The following RAB40C variants were observed in gnomAD, a reference collection of about 807,000 sequenced individuals.
RAB40C encodes ras-related protein Rab-40C.
Under a neutral mutation model 28.1 loss-of-function variants are expected in RAB40C, and 8 were observed. That is an observed-to-expected ratio of 0.28 (90% CI 0.17 to 0.51). The LOEUF (loss-of-function observed/expected upper bound fraction) is 0.51. Ranked by LOEUF, RAB40C falls within the 20% of genes least tolerant of loss-of-function variation. RAB40C has a pLI of 0.97. For missense variants in RAB40C, 288 were observed against 405.9 expected (o/e 0.71, Z 2.50); for synonymous variants, 201 against 171.7 (o/e 1.17, Z -1.34).
intron 1 of RAB40C, among the ~76,000 whole-genome samples, chr16:590,703 C>T (rs974910028): frequency 3.3e-5 from 5 of 152,160 alleles, no homozygotes; most frequent in Admixed American, 2.0e-4. Context: ...TGTCACGGGT[C>T]CGGGATCTCA....
chr16:620,356 G>A (rs2036685375), intron 3 of RAB40C, among the ~76,000 whole-genome samples: 1 of 147,798 alleles, frequency 6.8e-6, no homozygotes, highest in South Asian at 2.1e-4. Flanking sequence ...TTGTGCCATT[G>A]CACGCCAACC....
intron 1 of RAB40C, among the ~76,000 whole-genome samples, chr16:607,618 C>T (rs918310956): frequency 2.6e-5 from 4 of 151,614 alleles, no homozygotes; most frequent in Non-Finnish European, 4.4e-5. Flanking sequence ...GGTGAAACCC[C>T]GTCTCTACCA....
chr16:590,998 G>C (rs1290512860), intron 1 of RAB40C, among the ~76,000 whole-genome samples: 1 of 151,532 alleles, frequency 6.6e-6, no homozygotes, highest in African/African-American at 2.4e-5. Context: ...GGCGTCATGG[G>C]CCAAAAGGAA....
chr16:623,985 C>T (rs1484783115), intron 3 of RAB40C: 2 of 985,312 alleles, frequency 2.0e-6, no homozygotes, highest in East Asian at 2.3e-4. Context: ...GTTCTTACCT[C>T]ACCTGGGTTG....
Position 627,339 on chromosome 16 carries a change from C to T in RAB40C, c.566-3C>T. The T allele has an allele frequency of 6.2e-7, 1 of 1,611,358 alleles. No individual in the cohort carries two copies. Among genetic ancestry groups the T allele is most frequent in the Non-Finnish European group, 8.5e-7 (1 of 1,178,762 alleles). On this transcript the variant is annotated splice_polypyrimidine_tract_variant and splice_region_variant and intron_variant, in intron 5 of 5. Coordinates refer to ENST00000248139, the MANE Select transcript of RAB40C (RefSeq NM_021168.5). Reference sequence around the variant, plus strand: ...ATGGTCTGACACCCCCTCTGCCCCACAGTGTTCAGCCTGCAGGACCTCTGC... The same window carrying T: ...ATGGTCTGACACCCCCTCTGCCCCATAGTGTTCAGCCTGCAGGACCTCTGC...
At chr16:605,652 G>A (rs74000866) in intron 1 of RAB40C, among the ~76,000 whole-genome samples, 4,449 of 152,278 alleles carry the variant, frequency 0.029, 158 homozygotes, top group African/African-American at 0.091. Context: ...TCCCCGCGCC[G>A]AGTGGTCTCC....
chr16:622,908 G>A (rs1371754612), intron 3 of RAB40C, among the ~76,000 whole-genome samples: 1 of 152,216 alleles, frequency 6.6e-6, no homozygotes, highest in Non-Finnish European at 1.5e-5. Context: ...AGCTGAGGGT[G>A]CTTAGGGTGC....
At chr16:619,784 C>A (rs73485436) in intron 3 of RAB40C, among the ~76,000 whole-genome samples, 2,399 of 152,292 alleles carry the variant, frequency 0.016, 84 homozygotes, top group African/African-American at 0.053. Flanking sequence ...TGCCCAGGTG[C>A]GAGGGGGATG....
Position 627,770 on chromosome 16 carries a change from C to T in RAB40C, c.*148C>T, listed in dbSNP as rs115029438. The T allele has an allele frequency of 7.7e-3, 8,031 of 1,041,142 alleles. 256 individuals carry two copies. In the African/African-American group the frequency reaches 0.084, roughly 11 times the overall value. The allele number at this position is 1,041,142 out of a possible 1,614,324, so 64.5% of individuals were successfully genotyped here. On this transcript the variant is annotated 3_prime_UTR_variant, in exon 6 of 6. Transcript: ENST00000248139. ...GCTTTCCTCACACCTGAGCCGGGTG[C>T]GAGGAGGAGCATGCACGGACCAAGC...
intron 3 of RAB40C, among the ~76,000 whole-genome samples, chr16:622,155 T>C (rs2036731991): frequency 6.6e-6 from 1 of 152,118 alleles, no homozygotes; most frequent in Non-Finnish European, 1.5e-5. Context: ...TAAAAAATGA[T>C]AGCAAAAAGG....
chr16:611,672 C>T (rs1198489292), intron 1 of RAB40C, among the ~76,000 whole-genome samples: 1 of 137,628 alleles, frequency 7.3e-6, no homozygotes, highest in Non-Finnish European at 1.6e-5. Flanking sequence ...CAGAGACAGC[C>T]GCCCTGGCCT....
Position 625,350 on chromosome 16 carries a change from G to C in RAB40C, c.265-82G>C, listed in dbSNP as rs2036806327. Reference sequence around the variant, plus strand: ...ATCCTTGGCCCTGCCCGGGAACTGAGGCCCCTGCACCTGAGCGTCCCTGGG... The same window carrying C: ...ATCCTTGGCCCTGCCCGGGAACTGACGCCCCTGCACCTGAGCGTCCCTGGG... On this transcript the variant is annotated intron_variant, in intron 3 of 5. Transcript: ENST00000248139. 7.5e-5 allele frequency: 117 copies of C among 1,560,334 alleles called. No individual in the cohort carries two copies. The South Asian group carries it at 1.3e-3, about 17-fold the overall frequency.
chr16:620,926 A>G (rs556093798), intron 3 of RAB40C, among the ~76,000 whole-genome samples: 65 of 152,120 alleles, frequency 4.3e-4, no homozygotes, highest in Non-Finnish European at 9.0e-4. Flanking sequence ...GTTCAGCTGC[A>G]TGAGAACTAA....
chr16:626,768 T>C (rs1346076591), intron 5 of RAB40C, among the ~76,000 whole-genome samples: 2 of 152,078 alleles, frequency 1.3e-5, no homozygotes, highest in African/African-American at 4.8e-5. Context: ...TGAAACCCCG[T>C]CTCTACTAAA....
chr16:608,171 G>A (rs534897170), intron 1 of RAB40C, among the ~76,000 whole-genome samples: 3 of 152,316 alleles, frequency 2.0e-5, no homozygotes, highest in East Asian at 1.9e-4. Flanking sequence ...CAGTCATGGC[G>A]GAAGGTACCT....
intron 1 of RAB40C, among the ~76,000 whole-genome samples, chr16:616,118 A>G (rs2036578994): frequency 6.6e-6 from 1 of 151,494 alleles, no homozygotes; most frequent in South Asian, 2.1e-4. Context: ...TTATCCGGGC[A>G]TGGTGGCGGG....
chr16:618,386 GGTTT>G (rs2036633936), intron 3 of RAB40C, 126 bp downstream of exon 3: 1 of 995,290 alleles, frequency 1.0e-6, no homozygotes, highest in Non-Finnish European at 1.4e-6. Flanking sequence ...TTCTCACATT[GGTTT>G]GTTTATTTGT....
chr16:624,318 C>A, intron 3 of RAB40C: 2 of 985,482 alleles, frequency 2.0e-6, no homozygotes, highest in Non-Finnish European at 2.4e-6. Flanking sequence ...TGTGCCCCAA[C>A]CTCCAGGGTT....
chr16:601,623 A>T (rs979572951), intron 1 of RAB40C, among the ~76,000 whole-genome samples: 40 of 152,152 alleles, frequency 2.6e-4, no homozygotes, highest in African/African-American at 9.2e-4. Flanking sequence ...TGAAAAATAG[A>T]ATTGTTATCC....
Sources: gnomAD v4.1 joint callset for allele counts (sites outside exome capture counted in the v4.1 genomes callset) on GRCh38, gnomAD v4.1.1 for gene constraint, MANE v1.5 for transcripts, NCBI Gene and HGNC (gene_info 2026-07-23, HGNC 2026-07-21) for gene names.